CAMK2B: variants seen among roughly 807,000 people sequenced by gnomAD.
CAMK2B encodes calcium/calmodulin-dependent protein kinase type II subunit beta.
A neutral mutation model predicts 93.7 loss-of-function variants in CAMK2B; 27 were observed. The ratio of observed to expected loss-of-function variants is 0.29; its 90% confidence interval spans 0.21 to 0.40. The LOEUF is 0.40. CAMK2B is among the 10% of genes least tolerant of loss of function. The probability of loss-of-function intolerance (pLI) is 1.00; values close to 1 mark genes in which losing one functional copy is unlikely to be tolerated. For missense variants in CAMK2B, 568 were observed against 895.8 expected (o/e 0.63, Z 4.67); for synonymous variants, 374 against 358.8 (o/e 1.04, Z -0.48).
intron 6 of CAMK2B, among the ~76,000 whole-genome samples, chr7:44,243,948 G>A (rs1010884322): frequency 3.9e-5 from 6 of 152,220 alleles, no homozygotes; most frequent in African/African-American, 1.4e-4. Context: ...GACTCCCACT[G>A]GCTGAGAGGC....
intron 1 of CAMK2B, among the ~76,000 whole-genome samples, chr7:44,285,649 C>T (rs977048710): frequency 6.6e-6 from 1 of 150,624 alleles, no homozygotes; most frequent in African/African-American, 2.4e-5. Flanking sequence ...AATAATTACA[C>T]TAAATCTAAT....
chr7:44,279,837 C>T (rs1562999030), intron 2 of CAMK2B, among the ~76,000 whole-genome samples: 2 of 152,160 alleles, frequency 1.3e-5, no homozygotes, highest in African/African-American at 4.8e-5. Context: ...AAAACATACT[C>T]GGGTAGTTTT....
At chr7:44,279,999 C>A (rs12702075) in intron 2 of CAMK2B, among the ~76,000 whole-genome samples, 1 of 152,010 alleles carries the variant, frequency 6.6e-6, no homozygotes, top group African/African-American at 2.4e-5. Context: ...CAGCACACAG[C>A]GTCGTAGCTG....
chr7:44,269,019 C>G (rs2096946693), intron 2 of CAMK2B, among the ~76,000 whole-genome samples: 1 of 152,232 alleles, frequency 6.6e-6, no homozygotes, highest in Non-Finnish European at 1.5e-5. Context: ...CCACGCCACC[C>G]TCATCAGCAT....
At chr7:44,303,122 A>T (rs1425663874) in intron 1 of CAMK2B, among the ~76,000 whole-genome samples, 1 of 152,222 alleles carries the variant, frequency 6.6e-6, no homozygotes, top group African/African-American at 2.4e-5. Context: ...GAATGATTGG[A>T]ATTGGAATTT....
chr7:44,283,611 A>C (rs1784308295), intron 2 of CAMK2B, among the ~76,000 whole-genome samples: 1 of 152,252 alleles, frequency 6.6e-6, no homozygotes, highest in Non-Finnish European at 1.5e-5. Context: ...ACCTCCCAGT[A>C]GGCCATGACG....
upstream of CAMK2B, chr7:44,325,787 G>C (rs1797391576): frequency 6.9e-6 from 1 of 145,562 alleles, no homozygotes; most frequent in African/African-American, 2.6e-5. Flanking sequence ...CACGCGCCCT[G>C]CACACACACC....
chr7:44,256,548 T>A (rs922419821), intron 4 of CAMK2B, among the ~76,000 whole-genome samples: 1 of 152,256 alleles, frequency 6.6e-6, no homozygotes, highest in Non-Finnish European at 1.5e-5. Context: ...TGTATACATG[T>A]GCATTGGGCA....
chr7:44,242,441 G>T (rs976031520), intron 9 of CAMK2B, 101 bp from the exon 10 acceptor site: 1 of 1,545,318 alleles, frequency 6.5e-7, no homozygotes, highest in African/African-American at 1.4e-5. Context: ...ATCTGGGAGA[G>T]CAGGACCCAG....
intron 6 of CAMK2B, among the ~76,000 whole-genome samples, chr7:44,245,312 C>T (rs2096719688): frequency 3.3e-5 from 5 of 152,196 alleles, no homozygotes; most frequent in Admixed American, 3.3e-4. Context: ...ACCACCCTCC[C>T]CAGTGGGGTG....
intron 2 of CAMK2B, chr7:44,266,948 A>G (rs1327883857): frequency 6.6e-6 from 1 of 152,230 alleles, no homozygotes; most frequent in Non-Finnish European, 1.5e-5. Flanking sequence ...AAGGTGCTGA[A>G]TCCCCTCTCC....
intron 1 of CAMK2B, among the ~76,000 whole-genome samples, chr7:44,300,323 A>G (rs1371631269): frequency 6.6e-6 from 1 of 152,114 alleles, no homozygotes; most frequent in Non-Finnish European, 1.5e-5. Flanking sequence ...GGTGTAAGCC[A>G]CCATGCCCAG....
intron 2 of CAMK2B, 87 bp downstream of exon 2, chr7:44,284,044 G>C (rs750643779): frequency 8.6e-5 from 81 of 942,066 alleles, no homozygotes; most frequent in Non-Finnish European, 1.3e-4. Context: ...GACTGGGAGG[G>C]GCCTGCTGCC....
At chr7:44,236,661 A>T (rs1344355852) in intron 13 of CAMK2B, among the ~76,000 whole-genome samples, 1 of 152,190 alleles carries the variant, frequency 6.6e-6, no homozygotes, top group Non-Finnish European at 1.5e-5. Context: ...CTTGCTATGG[A>T]GGGAGAGTCC....
Position 44,242,541 on chromosome 7 carries a change from G to C in CAMK2B, c.696+19C>G. 6.3e-7 allele frequency: 1 copy of C among 1,587,728 alleles called. No individual in the cohort carries two copies. The highest frequency in any genetic ancestry group is 1.1e-5 in the South Asian group (1 of 89,724). ...ACCTGGAGGAAGGGAGCTCATCAGA[G>C]AGGGGCTGGTGCACTCACGTCATAG... On this transcript the variant is annotated intron_variant, in intron 9 of 23. Transcript: ENST00000395749.
intron 1 of CAMK2B, among the ~76,000 whole-genome samples, chr7:44,299,325 C>T (rs1789239625): frequency 6.6e-6 from 1 of 152,064 alleles, no homozygotes; most frequent in Admixed American, 6.5e-5. Context: ...ATATGGGATA[C>T]CTAGAATAGA....
intron 11 of CAMK2B, among the ~76,000 whole-genome samples, chr7:44,241,434 G>A (rs116841749): frequency 0.015 from 2,357 of 152,328 alleles, 30 homozygotes; most frequent in East Asian, 0.074. Context: ...AGCCCACAGC[G>A]AGCGCTTCAG....
chr7:44,301,551 C>T (rs138654579), intron 1 of CAMK2B, among the ~76,000 whole-genome samples: 5 of 152,008 alleles, frequency 3.3e-5, no homozygotes, highest in African/African-American at 1.2e-4. Context: ...CCGAGGTGAG[C>T]GGATCACCTG....
chr7:44,254,491 G>A lies in CAMK2B; in HGVS notation c.341+51C>T, dbSNP rs115625481. 1,313 of 1,337,388 alleles carry A rather than the reference G, an allele frequency of 9.8e-4. 8 individuals are homozygous for A. In the African/African-American group the frequency reaches 0.017, roughly 18 times the overall value. 82.8% of individuals were successfully genotyped at this position (1,337,388 alleles called of 1,614,324 possible). ...AGCAGGAGTGGGTGAAGGAGGGATG[G>A]TGAGGGTATAAAGGAAGAGGGACAG... On this transcript the variant is annotated intron_variant, in intron 5 of 23. Transcript: ENST00000395749.
Sources: gnomAD v4.1 joint callset for allele counts (sites outside exome capture counted in the v4.1 genomes callset) on GRCh38, gnomAD v4.1.1 for gene constraint, MANE v1.5 for transcripts, NCBI Gene and HGNC (gene_info 2026-07-23, HGNC 2026-07-21) for gene names.